Variants in GPM6B observed in about 807,000 individuals in gnomAD.
The protein encoded by GPM6B is neuronal membrane glycoprotein M6-b.
A neutral mutation model predicts 27.2 loss-of-function variants in GPM6B; 4 were observed. That is an observed-to-expected ratio of 0.15 (90% CI 0.07 to 0.34). The LOEUF is 0.34. Among genes scored for constraint, GPM6B ranks in the 10% least tolerant of loss-of-function variants. GPM6B has a pLI of 1.00. For synonymous variants in GPM6B, 124 were observed against 103.1 expected (o/e 1.20, Z -1.23); for missense variants, 183 against 261.9 (o/e 0.70, Z 2.08).
At chrX:13,804,035 C>A (rs988727359) in intron 2 of GPM6B, among the ~76,000 whole-genome samples, 2 of 111,858 alleles carry the variant, frequency 1.8e-5, no homozygotes, top group Non-Finnish European at 3.8e-5. Context: ...TGTCTTCTCC[C>A]TTCTTGCTCT....
At chrX:13,884,223 C>A in intron 1 of GPM6B, among the ~76,000 whole-genome samples, 1 of 112,400 alleles carries the variant, frequency 8.9e-6, no homozygotes, top group East Asian at 2.8e-4. Flanking sequence ...TGATTTTATC[C>A]ATTCAAATAA....
At chrX:13,846,815 T>C (rs1288941439) in intron 1 of GPM6B, among the ~76,000 whole-genome samples, 3 of 75,822 alleles carry the variant, frequency 4.0e-5, no homozygotes, top group Non-Finnish European at 7.7e-5. Flanking sequence ...TTTTTTAAAC[T>C]TTTTCTTCTT....
At chrX:13,810,245 G>GA (rs1212351545) in intron 1 of GPM6B, among the ~76,000 whole-genome samples, 10 of 111,639 alleles carry the variant, frequency 9.0e-5, no homozygotes, top group South Asian at 3.7e-4. Flanking sequence ...GGGGCTGACA[G>GA]AAAAAAAACA....
chrX:13,895,710 C>T (rs916294028), intron 1 of GPM6B, among the ~76,000 whole-genome samples: 1 of 111,775 alleles, frequency 8.9e-6, no homozygotes, highest in African/African-American at 3.2e-5. Context: ...GTTTTAGACA[C>T]TTCTATGACC....
chrX:13,872,803 G>C (rs1354198042), intron 1 of GPM6B, among the ~76,000 whole-genome samples: 1 of 111,528 alleles, frequency 9.0e-6, no homozygotes, highest in Non-Finnish European at 1.9e-5. Flanking sequence ...GGCAAGGAAT[G>C]AGAGGGAGTA....
upstream of GPM6B, among the ~76,000 whole-genome samples, chrX:13,818,204 G>A (rs1205917282): frequency 2.7e-5 from 3 of 111,958 alleles, no homozygotes; most frequent in East Asian, 2.8e-4. Flanking sequence ...GGCCTTCGCC[G>A]TCCCTATAAA....
chrX:13,836,448 T>C (rs1170301522), intron 1 of GPM6B, among the ~76,000 whole-genome samples: 1 of 112,557 alleles, frequency 8.9e-6, no homozygotes, highest in Non-Finnish European at 1.9e-5. Context: ...CCCTAGTTTC[T>C]ATCCAATGAA....
chrX:13,864,886 C>G (rs896000740), intron 1 of GPM6B, among the ~76,000 whole-genome samples: 6 of 112,031 alleles, frequency 5.4e-5, no homozygotes, highest in African/African-American at 1.9e-4. Flanking sequence ...GTAACAAACC[C>G]TATATACAGT....
At chrX:13,928,678 CA>C (rs1921328127) in intron 1 of GPM6B, among the ~76,000 whole-genome samples, 1 of 112,694 alleles carries the variant, frequency 8.9e-6, no homozygotes, top group Non-Finnish European at 1.9e-5. Flanking sequence ...TTTAAGCACC[CA>C]TCTTAAAATC....
intron 6 of GPM6B, 54 bp downstream of exon 6, chrX:13,777,298 C>T: frequency 1.2e-6 from 1 of 862,723 alleles, no homozygotes; most frequent in Non-Finnish European, 1.7e-6. Context: ...GCTGGGAGAA[C>T]CCTTTTTTCT....
intron 1 of GPM6B, among the ~76,000 whole-genome samples, chrX:13,835,480 G>A (rs1221866883): frequency 2.7e-5 from 3 of 111,137 alleles, no homozygotes; most frequent in African/African-American, 9.8e-5. Flanking sequence ...GGGTGTCCTA[G>A]ACCCCAGTGA....
At chrX:13,898,937 CG>C (rs2050256489) in intron 1 of GPM6B, among the ~76,000 whole-genome samples, 1 of 111,534 alleles carries the variant, frequency 9.0e-6, no homozygotes, top group Admixed American at 9.5e-5. Flanking sequence ...ATTTTAAAAG[CG>C]GATCTACATA....
chrX:13,861,840 C>T (rs2049856609), intron 1 of GPM6B, among the ~76,000 whole-genome samples: 1 of 112,011 alleles, frequency 8.9e-6, no homozygotes, highest in African/African-American at 3.2e-5. Context: ...GATTTCCTGG[C>T]CATGAATCCC....
intron 1 of GPM6B, among the ~76,000 whole-genome samples, chrX:13,872,835 G>C (rs1056168745): frequency 5.4e-5 from 6 of 111,087 alleles, no homozygotes; most frequent in Admixed American, 4.8e-4. Context: ...TGATCTTGGA[G>C]GAGGTGTGGG....
rs181508281 is a variant in GPM6B, at chrX:13,841,521, C to T, written c.-197-55713G>A. On this transcript the variant is annotated intron_variant, in intron 1 of 6. Transcript: ENST00000398361. ...GTTCTCTCTAAAATACATGAGTTAG[C>T]TAGGGTTTCCCCACATTTGATTAGT... Among the ~76,000 whole-genome samples the T allele has an allele frequency of 9.8e-5, 11 of 111,987 alleles. No individual in the cohort carries two copies. The East Asian group carries it at 3.1e-3, about 31-fold the overall frequency.
intron 1 of GPM6B, among the ~76,000 whole-genome samples, chrX:13,812,051 T>TTC (rs1555915267): frequency 2.3e-5 from 2 of 88,605 alleles, no homozygotes; most frequent in African/African-American, 9.0e-5. Context: ...TTTCTTTCTT[T>TTC]TTTTTTTTTT....
intron 1 of GPM6B, among the ~76,000 whole-genome samples, chrX:13,816,069 A>C (rs959286586): frequency 8.9e-6 from 1 of 112,331 alleles, no homozygotes. Context: ...ATCAAACTTG[A>C]AATCAGTCAT....
intron 1 of GPM6B, among the ~76,000 whole-genome samples, chrX:13,898,834 CG>C (rs2050255966): frequency 9.0e-6 from 1 of 111,544 alleles, no homozygotes; most frequent in South Asian, 3.8e-4. Context: ...GTCATCCTGT[CG>C]GGCTCATCAT....
intron 1 of GPM6B, among the ~76,000 whole-genome samples, chrX:13,842,703 GC>G (rs1467751716): frequency 9.1e-6 from 1 of 110,148 alleles, no homozygotes; most frequent in African/African-American, 3.3e-5. Context: ...ACATAGTGAG[GC>G]CCCCATGTCT....
Sources: allele counts gnomAD v4.1 joint callset (sites outside exome capture counted in the v4.1 genomes callset), GRCh38; gene constraint gnomAD v4.1.1; transcripts MANE v1.5; gene names NCBI Gene and HGNC (gene_info 2026-07-23, HGNC 2026-07-21).